The following BPIFB1 variants were observed in gnomAD, a reference collection of about 807,000 sequenced individuals.
The protein encoded by BPIFB1 is BPI fold containing family B member 1, also known as BPI fold-containing family B member 1.
Under a neutral mutation model 55.1 loss-of-function variants are expected in BPIFB1, and 34 were observed. The observed-to-expected ratio is 0.62, with a 90% CI of 0.47 to 0.82. The LOEUF is 0.82. Ranked by LOEUF, BPIFB1 falls within the 40% of genes least tolerant of loss-of-function variation. The pLI, the probability that BPIFB1 is intolerant of heterozygous loss-of-function variation, is 0.00. For synonymous variants in BPIFB1, 236 were observed against 245.3 expected (o/e 0.96, Z 0.35); for missense variants, 532 against 593.1 (o/e 0.90, Z 1.07).
chr20:33,298,160 A>C (rs1980714327), intron 7 of BPIFB1, among the ~76,000 whole-genome samples: 1 of 152,198 alleles, frequency 6.6e-6, no homozygotes, highest in African/African-American at 2.4e-5. Context: ...CTGCAGCATC[A>C]AATAGTTCTA....
intron 15 of BPIFB1, among the ~76,000 whole-genome samples, chr20:33,308,278 A>G (rs74419603): frequency 7.2e-5 from 11 of 152,254 alleles, no homozygotes; most frequent in Non-Finnish European, 1.2e-4. Context: ...TGGGTTCTAC[A>G]TGAGATTTGG....
chr20:33,307,281 A>G (rs772742510), intron 15 of BPIFB1: 1 of 365,028 alleles, frequency 2.7e-6, no homozygotes, highest in Non-Finnish European at 5.1e-6. Flanking sequence ...TAGGCAAGCC[A>G]TGCTTCTGAG....
At chr20:33,297,627 A>C in intron 7 of BPIFB1, 39 bp downstream of exon 7, 2 of 1,610,338 alleles carry the variant, frequency 1.2e-6, no homozygotes. Context: ...TTCCTTTACT[A>C]CGGAGCTGGC....
In BPIFB1 at chr20:33,299,963, C is replaced by T. The variant is rs201488849; in HGVS notation, c.726C>T (p.Asp242=). ...TTCTGTATCCTGCCATCAAGGGTGA[C>T]ACCATTCAGCTCTACCTGGGGGTGA... ...FDLLYPAIKG[D]TIQLYLGAKL... Residue 242 remains aspartate, a synonymous_variant, in exon 8 of 16, where the codon GAC becomes GAT. Transcript: ENST00000253354. 31 of 1,614,104 alleles carry T rather than the reference C, an allele frequency of 1.9e-5. No individual in the cohort carries two copies. Among genetic ancestry groups the T allele is most frequent in the Non-Finnish European group, 2.5e-5 (29 of 1,179,968 alleles).
chr20:33,285,369 G>A (rs764623661), intron 1 of BPIFB1, among the ~76,000 whole-genome samples: 7 of 151,830 alleles, frequency 4.6e-5, no homozygotes, highest in Non-Finnish European at 8.8e-5. Flanking sequence ...GGAGACACGG[G>A]AAGCAGAAGT....
chr20:33,299,506 T>C (rs1252923935), intron 7 of BPIFB1, among the ~76,000 whole-genome samples: 1 of 151,770 alleles, frequency 6.6e-6, no homozygotes, highest in Non-Finnish European at 1.5e-5. Flanking sequence ...GGCGGTGGAG[T>C]GTTACATACA....
chr20:33,299,795 G>GC (rs542801747), intron 7 of BPIFB1, 104 bp from the exon 8 acceptor site: 79 of 816,002 alleles, frequency 9.7e-5, no homozygotes, highest in South Asian at 5.0e-4. Context: ...CTCCCTACCT[G>GC]CCCCCCCATG....
chr20:33,284,489 T>TCC (rs977193686), intron 1 of BPIFB1, among the ~76,000 whole-genome samples: 6 of 151,358 alleles, frequency 4.0e-5, no homozygotes, highest in African/African-American at 7.3e-5. Flanking sequence ...GACCCAGCCC[T>TCC]CCCTCCCAGA....
intron 6 of BPIFB1, among the ~76,000 whole-genome samples, chr20:33,296,908 A>G (rs1980671490): frequency 6.6e-6 from 1 of 152,212 alleles, no homozygotes; most frequent in Non-Finnish European, 1.5e-5. Flanking sequence ...GTATGAATAA[A>G]CAAATTCTCC....
chr20:33,309,563 G>A lies in BPIFB1; in HGVS notation c.1396-145G>A, dbSNP rs6141916. 1,343 of 712,986 alleles carry A rather than the reference G, an allele frequency of 1.9e-3. 23 individuals carry two copies. In the East Asian group the frequency reaches 0.032, roughly 17 times the overall value. The allele number at this position is 712,986 out of a possible 1,614,324, so 44.2% of individuals were successfully genotyped here. On this transcript the variant is annotated intron_variant, in intron 15 of 15. Transcript: ENST00000253354. This position sits in a 1 kb window ranked among gnomAD's most constrained non-coding sequence, Gnocchi z 4.4. Reference sequence around the variant, plus strand: ...TGTTCACACACAGACCCTCCACCCCGACCCTTCTAAGAATTCTGTATTTGT... The same window carrying A: ...TGTTCACACACAGACCCTCCACCCCAACCCTTCTAAGAATTCTGTATTTGT...
Position 33,304,014 on chromosome 20 carries a change from G to T in BPIFB1, c.1197G>T (p.Leu399Phe). ...AAGGTGACCAACTTATACTCAACTT[G>T]AATAACATCAGGTAAACACACAAAT... ...YTKGDQLILN[L>F]NNISSDRIQL... The change falls in exon 12 of 16, where the codon TTG becomes TTT. Residue 399 changes from leucine to phenylalanine, a missense_variant. By Grantham distance (22) the Leu-to-Phe change is conservative (BLOSUM62 0). Transcript: ENST00000253354. 2 of 1,612,954 alleles carry T rather than the reference G, an allele frequency of 1.2e-6. No homozygotes were observed. Among genetic ancestry groups the T allele is most frequent in the South Asian group, 2.2e-5 (2 of 90,748 alleles).
chr20:33,304,075 C>T (rs1331157688), intron 12 of BPIFB1, 50 bp downstream of exon 12: 1 of 1,541,332 alleles, frequency 6.5e-7, no homozygotes, highest in Admixed American at 1.8e-5. Flanking sequence ...ATGAGTCCCG[C>T]CTGGTAACCA....
At chr20:33,286,764 A>G (rs1416109079) in intron 2 of BPIFB1, among the ~76,000 whole-genome samples, 1 of 152,204 alleles carries the variant, frequency 6.6e-6, no homozygotes, top group Non-Finnish European at 1.5e-5. Context: ...TGGACCAAAC[A>G]ACTATTTATT....
intron 14 of BPIFB1, 59 bp from the exon 15 acceptor site, chr20:33,306,852 C>T (rs1981044816): frequency 6.9e-7 from 1 of 1,444,586 alleles, no homozygotes; most frequent in Non-Finnish European, 9.8e-7. Context: ...CTGAGCCTGC[C>T]CCTGGCTGCC....
At chr20:33,289,407 AAC>A (rs1555797311) in intron 3 of BPIFB1, among the ~76,000 whole-genome samples, 3 of 151,484 alleles carry the variant, frequency 2.0e-5, no homozygotes, top group African/African-American at 7.3e-5. Context: ...AAAAAAAAAA[AAC>A]AACCCAGAGC....
chr20:33,304,897 T>C lies in BPIFB1; in HGVS notation c.1254+6T>C. Reference sequence around the variant, plus strand: ...CTGGGATTGGCTGGTTCCAAGTAAGTGTTAACAGGTGGTGCCTGAGGGCAC... The same window carrying C: ...CTGGGATTGGCTGGTTCCAAGTAAGCGTTAACAGGTGGTGCCTGAGGGCAC... On this transcript the variant is annotated splice_donor_region_variant and intron_variant, in intron 13 of 15. Coordinates refer to ENST00000253354, the MANE Select transcript of BPIFB1 (RefSeq NM_033197.3). 6.2e-7 allele frequency: 1 copy of C among 1,614,028 alleles called. No individual in the cohort carries two copies. The highest frequency in any genetic ancestry group is 8.5e-7 in the Non-Finnish European group (1 of 1,179,946).
chr20:33,298,976 C>CT (rs35028429), intron 7 of BPIFB1: 14,351 of 244,500 alleles, frequency 0.059, 466 homozygotes, highest in African/African-American at 0.16. Context: ...CTTTAATATA[C>CT]TTTTTTTTTT....
At chr20:33,302,893 A>G (rs1305502268) in intron 10 of BPIFB1, 23 bp from the exon 11 acceptor site, 2 of 1,612,666 alleles carry the variant, frequency 1.2e-6, no homozygotes, top group Non-Finnish European at 8.5e-7. Context: ...GGGAGGCCAC[A>G]TGTGGGTCTG....
chr20:33,304,523 A>G (rs1486892149), intron 12 of BPIFB1, among the ~76,000 whole-genome samples: 1 of 152,168 alleles, frequency 6.6e-6, no homozygotes, highest in Non-Finnish European at 1.5e-5. Context: ...TGTGCCCACA[A>G]TCCTACATAG....
Sources: gnomAD v4.1 joint callset for allele counts (sites outside exome capture counted in the v4.1 genomes callset) on GRCh38, gnomAD v4.1.1 for gene constraint, Gnocchi (gnomAD v3.1) non-coding constraint, MANE v1.5 for transcripts, NCBI Gene and HGNC (gene_info 2026-07-23, HGNC 2026-07-21) for gene names.